Variants in KRT34 observed in about 807,000 individuals in gnomAD.
The protein encoded by KRT34 is keratin 34, also known as keratin, type I cuticular Ha4.
A neutral mutation model predicts 41.7 loss-of-function variants in KRT34; 31 were observed. The ratio of observed to expected loss-of-function variants is 0.74; its 90% CI spans 0.56 to 1.00. The LOEUF (loss-of-function observed/expected upper bound fraction) is 1.00. Ranked by LOEUF, KRT34 falls within the 50% of genes least tolerant of loss-of-function variation. The probability of loss-of-function intolerance (pLI) is 0.00; values close to 1 mark genes in which losing one functional copy is unlikely to be tolerated. For synonymous variants in KRT34, 224 were observed against 212.9 expected (o/e 1.05, Z -0.45); for missense variants, 523 against 500.3 (o/e 1.05, Z -0.43).
chr17:41,383,297 G>A (rs566496867), upstream of KRT34, among the ~76,000 whole-genome samples: 4 of 152,300 alleles, frequency 2.6e-5, no homozygotes, highest in Admixed American at 6.5e-5. Flanking sequence ...GATTACAGGC[G>A]TGAGCCAATG....
intron 6 of KRT34, among the ~76,000 whole-genome samples, chr17:41,378,397 C>A (rs1452281265): frequency 5.9e-5 from 9 of 152,206 alleles, no homozygotes; most frequent in Admixed American, 3.9e-4. Flanking sequence ...TCAAGCGATT[C>A]TCCTGCCTCA....
chr17:41,378,281 G>C (rs563047260), intron 6 of KRT34, 135 bp from the exon 7 acceptor site: 1 of 698,856 alleles, frequency 1.4e-6, no homozygotes, highest in South Asian at 1.6e-5. Context: ...GTTTTGTTTT[G>C]TTTTGTTTTT....
chr17:41,379,108 C>G lies in KRT34; in HGVS notation c.945G>C (p.Gln315His). 1.2e-6 allele frequency: 2 copies of G among 1,614,236 alleles called. No individual in the cohort carries two copies. Among genetic ancestry groups the G allele is most frequent in the Non-Finnish European group, 1.7e-6 (2 of 1,180,038 alleles). Residue 315 changes from glutamine (Q) to histidine (H), a missense_variant, in exon 6 of 7, where the codon CAG becomes CAC. Gln to His is a conservative substitution (Grantham distance 24, BLOSUM62 0). Coordinates refer to ENST00000394001, the MANE Select transcript of KRT34 (RefSeq NM_001386014.1). ...GAGACTCCACGTTGGTGATCAGGCT[C>G]TGCACCTGGGACAGCTGGGAGCTGT... is the stretch of plus-strand genomic sequence containing the variant. ...AHYSSQLSQV[Q>H]SLITNVESQL... is the part of the protein sequence containing the mutation.
At chr17:41,382,445 C>A (rs1270492933), upstream of KRT34, 4 of 1,232,992 alleles carry the variant, frequency 3.2e-6, no homozygotes, top group Non-Finnish European at 4.6e-6. Context: ...AGAGTCCCCC[C>A]TCAACCCATA....
At chr17:41,380,695 T>C (rs942721557) in intron 3 of KRT34, among the ~76,000 whole-genome samples, 2 of 152,252 alleles carry the variant, frequency 1.3e-5, no homozygotes, top group African/African-American at 4.8e-5. Flanking sequence ...ACTGTGTTTA[T>C]ATGACTGTCT....
chr17:41,379,798 T>A lies in KRT34; in HGVS notation c.589-67A>T, dbSNP rs140504517. On this transcript the variant is annotated intron_variant, in intron 3 of 6. Transcript: ENST00000394001. ...CTGCCATTTTCCTGCTCCAGGGAAA[T>A]GAGCACAATACTGCCCAAAAAGCAC... The A allele has an allele frequency of 4.5e-5, 67 of 1,494,788 alleles. No homozygotes were observed. The African/African-American group carries it at 8.1e-4, about 18-fold the overall frequency. 92.6% of individuals were successfully genotyped at this position (1,494,788 alleles called of 1,614,324 possible).
chr17:41,381,586 T>C, intron 2 of KRT34, 127 bp downstream of exon 2: 2 of 839,926 alleles, frequency 2.4e-6, no homozygotes, highest in Admixed American at 5.6e-5. Flanking sequence ...GTTCCCTATT[T>C]GAAACTAATT....
rs201791417 is a variant in KRT34 at position 41,379,108 on chromosome 17, C to T, written c.945G>A (p.Gln315=). 609 of 1,614,118 alleles carry T rather than the reference C, an allele frequency of 3.8e-4. No individual in the cohort carries two copies. The highest frequency in any genetic ancestry group is 4.3e-4 in the Non-Finnish European group (502 of 1,180,046). The change falls in exon 6 of 7, where the codon CAG becomes CAA. Residue 315 remains glutamine (Q), a synonymous_variant. Transcript: ENST00000394001. Reference sequence around the variant, plus strand: ...GAGACTCCACGTTGGTGATCAGGCTCTGCACCTGGGACAGCTGGGAGCTGT... The same window carrying T: ...GAGACTCCACGTTGGTGATCAGGCTTTGCACCTGGGACAGCTGGGAGCTGT... ...AHYSSQLSQV[Q]SLITNVESQL...
intron 3 of KRT34, among the ~76,000 whole-genome samples, chr17:41,380,255 C>CAA (rs35215699): frequency 2.3e-4 from 31 of 136,712 alleles, no homozygotes; most frequent in African/African-American, 6.7e-4. Context: ...ATGACTCCGT[C>CAA]AAAAAAAAAA....
chr17:41,383,692 C>A (rs1052154210), upstream of KRT34, among the ~76,000 whole-genome samples: 2 of 152,122 alleles, frequency 1.3e-5, no homozygotes, highest in Admixed American at 6.5e-5. Context: ...TTTCTATCAT[C>A]TTATTTCTAG....
Position 41,381,135 on chromosome 17 carries a change from G to A in KRT34, c.509C>T (p.Thr170Ile). The A allele has an allele frequency of 1.9e-6, 3 of 1,614,136 alleles. No homozygotes were observed. The highest frequency in any genetic ancestry group is 2.5e-6 in the Non-Finnish European group (3 of 1,179,968). Residue 170 changes from threonine to isoleucine, a missense_variant, in exon 3 of 7, where the codon ACC becomes ATC. Coordinates refer to ENST00000394001, the MANE Select transcript of KRT34 (RefSeq NM_001386014.1). ...NSIRRILDEL[T>I]LCKSDLESQV... The stretch of plus-strand genomic sequence containing the variant: ...GGACTCCAGGTCAGACTTGCAGAGG[G>A]TCAGCTCATCCAGGATCCTGCGTAT...
At chr17:41,380,414 C>T (rs149157683) in intron 3 of KRT34, among the ~76,000 whole-genome samples, 34 of 152,354 alleles carry the variant, frequency 2.2e-4, no homozygotes, top group South Asian at 6.2e-4. Flanking sequence ...AACTCCTTGG[C>T]ATATGCAAGT....
Position 41,377,686 on chromosome 17 carries a change from A to C in KRT34, c.*373T>G, listed in dbSNP as rs937168818. 2.7e-5 allele frequency: 6 copies of C among 218,246 alleles called. 1 individual carries two copies. The highest frequency in any genetic ancestry group is 4.5e-5 in the African/African-American group (2 of 44,864). 13.5% of individuals were successfully genotyped at this position (218,246 alleles called of 1,614,324 possible). ...AACATTTATTATGCCAGAGAAATGAAGTTTATTGGGAAGTAAATGAAGTCT... is the reference window on the plus strand; with the variant it reads ...AACATTTATTATGCCAGAGAAATGACGTTTATTGGGAAGTAAATGAAGTCT... On this transcript the variant is annotated 3_prime_UTR_variant, in exon 7 of 7. Transcript: ENST00000394001.
chr17:41,381,882 AT>A lies in KRT34; in HGVS notation c.348+16del. 1 of 1,613,174 alleles carries A rather than the reference AT, an allele frequency of 6.2e-7. No individual in the cohort carries two copies. The highest frequency in any genetic ancestry group is 8.5e-7 in the Non-Finnish European group (1 of 1,179,206). ...GAGCCAGCTGCTGCTGGCCCCCCAT[AT>A]GGCCAACCCCCTCACCTTCTGCTGG... On this transcript the variant is annotated intron_variant, in intron 1 of 6. Transcript: ENST00000394001.
chr17:41,378,194 G>A (rs762438895), intron 6 of KRT34, 48 bp from the exon 7 acceptor site: 4 of 1,199,698 alleles, frequency 3.3e-6, no homozygotes, highest in Non-Finnish European at 5.0e-6. Flanking sequence ...AGGTTTTAAT[G>A]CACACAATAC....
rs8066866 is a variant in KRT34, at chr17:41,382,190, C to A, written c.57G>T (p.Arg19=). Residue 19 remains arginine (R), a synonymous_variant, in exon 1 of 7, where the codon CGG becomes CGT. Coordinates refer to ENST00000394001, the MANE Select transcript of KRT34 (RefSeq NM_001386014.1). ...CGTGGCAGCTGGGGGGCACGCAGGG[C>A]CGGGAGGAGCAGCTGGTGCGGCAGC... is the stretch of plus-strand genomic sequence containing the variant. ...SLGCRTSCSS[R]PCVPPSCHGY... 10,582 of 1,612,312 alleles carry A rather than the reference C, an allele frequency of 6.6e-3. 586 individuals are homozygous for A. The African/African-American group carries it at 0.12, about 18-fold the overall frequency.
Position 41,382,285 on chromosome 17 carries a change from G to A in KRT34, c.-39C>T, listed in dbSNP as rs1448769905. ...GTAATGGAAAAGCAGGTAAGCTGCT[G>A]GAGGTGGATGTGGGCAGGTTTGAGT... is the stretch of plus-strand genomic sequence containing the variant. On this transcript the variant is annotated 5_prime_UTR_variant, in exon 1 of 7. Transcript: ENST00000394001. 6.2e-7 allele frequency: 1 copy of A among 1,613,120 alleles called. No homozygotes were observed. The highest frequency in any genetic ancestry group is 1.3e-5 in the African/African-American group (1 of 74,918).
upstream of KRT34, among the ~76,000 whole-genome samples, chr17:41,382,798 C>T (rs769119405): frequency 4.6e-5 from 7 of 152,150 alleles, no homozygotes; most frequent in Non-Finnish European, 8.8e-5. Context: ...CTGTATTCGC[C>T]GAAATGATCC....
At chr17:41,381,654 G>A (rs1252269649) in intron 2 of KRT34, 59 bp downstream of exon 2, 3 of 1,423,438 alleles carry the variant, frequency 2.1e-6, no homozygotes, top group Non-Finnish European at 3.0e-6. Context: ...CTCTCTTCCA[G>A]GCAATAGTAG....
Sources: allele counts gnomAD v4.1 joint callset (sites outside exome capture counted in the v4.1 genomes callset), GRCh38; gene constraint gnomAD v4.1.1; transcripts MANE v1.5; gene names NCBI Gene and HGNC (gene_info 2026-07-23, HGNC 2026-07-21).